SLC16A10: variants seen among roughly 807,000 people sequenced by gnomAD.
The protein encoded by SLC16A10 is monocarboxylate transporter 10.
SLC16A10 carries 27 observed loss-of-function variants against 40.0 expected under a neutral mutation model. That is an observed-to-expected ratio of 0.67 (90% confidence interval 0.50 to 0.93). The LOEUF is 0.93. SLC16A10 is among the 40% of genes least tolerant of loss of function. The pLI is 0.00. For synonymous variants in SLC16A10, 213 were observed against 249.8 expected (o/e 0.85, Z 1.39); for missense variants, 529 against 658.2 (o/e 0.80, Z 2.15).
At chr6:111,122,733 G>C (rs886321673) in intron 1 of SLC16A10, among the ~76,000 whole-genome samples, 13 of 152,172 alleles carry the variant, frequency 8.5e-5, no homozygotes, top group Middle Eastern at 3.2e-3. Context: ...TGAGGGGAGT[G>C]GGGGTGGTAA....
intron 1 of SLC16A10, among the ~76,000 whole-genome samples, chr6:111,114,927 TGCAGTGGTGTGATCTTG>T (rs1329621143): frequency 1.3e-5 from 2 of 151,704 alleles, no homozygotes; most frequent in African/African-American, 4.8e-5. Context: ...CAGGCTGGAG[TGCAGTGGTGTGATCTTG>T]GCTCACTGCA....
intron 1 of SLC16A10, among the ~76,000 whole-genome samples, chr6:111,115,190 T>C (rs1207234219): frequency 1.3e-5 from 2 of 152,078 alleles, no homozygotes; most frequent in Non-Finnish European, 2.9e-5. Context: ...ATTATCTTAG[T>C]AGTCATCAAA....
chr6:111,165,465 A>G (rs931476252), intron 1 of SLC16A10, among the ~76,000 whole-genome samples: 1 of 152,228 alleles, frequency 6.6e-6, no homozygotes, highest in African/African-American at 2.4e-5. Context: ...GGCCTTTTAA[A>G]TATGCCTATA....
chr6:111,153,697 T>C (rs1772216500), intron 1 of SLC16A10, among the ~76,000 whole-genome samples: 1 of 152,250 alleles, frequency 6.6e-6, no homozygotes, highest in Non-Finnish European at 1.5e-5. Flanking sequence ...ACTTAACTTC[T>C]GAGCTTTGCC....
At chr6:111,138,327 C>G (rs1024383231) in intron 1 of SLC16A10, among the ~76,000 whole-genome samples, 1 of 152,222 alleles carries the variant, frequency 6.6e-6, no homozygotes, top group African/African-American at 2.4e-5. Flanking sequence ...AAACTAGAAT[C>G]TGGTCTTTGA....
intron 1 of SLC16A10, among the ~76,000 whole-genome samples, chr6:111,120,228 A>T (rs1771560108): frequency 6.6e-6 from 1 of 152,168 alleles, no homozygotes; most frequent in Non-Finnish European, 1.5e-5. Flanking sequence ...TGTGTTTAGT[A>T]ATCCTTTCTT....
chr6:111,197,164 A>T (rs1773092927), intron 3 of SLC16A10, among the ~76,000 whole-genome samples: 1 of 152,154 alleles, frequency 6.6e-6, no homozygotes, highest in Admixed American at 6.5e-5. Context: ...TAGGATTAAT[A>T]AAAAAAGACT....
chr6:111,097,421 C>T (rs527265071), intron 1 of SLC16A10, among the ~76,000 whole-genome samples: 10 of 152,158 alleles, frequency 6.6e-5, no homozygotes, highest in Admixed American at 1.3e-4. Context: ...AAGCGATTTT[C>T]GTGTCCCAGC....
At chr6:111,195,911 TA>T (rs1284347377) in intron 3 of SLC16A10, among the ~76,000 whole-genome samples, 1 of 152,046 alleles carries the variant, frequency 6.6e-6, no homozygotes, top group Non-Finnish European at 1.5e-5. Flanking sequence ...CAGACAAAAC[TA>T]AACATATTTA....
chr6:111,146,373 A>G (rs1242692631), intron 1 of SLC16A10, among the ~76,000 whole-genome samples: 5 of 152,234 alleles, frequency 3.3e-5, no homozygotes, highest in Non-Finnish European at 4.4e-5. Flanking sequence ...CACTTTGGAA[A>G]GTTGGCTATT....
At chr6:111,193,705 G>A (rs114682676) in intron 3 of SLC16A10, among the ~76,000 whole-genome samples, 1,634 of 152,248 alleles carry the variant, frequency 0.011, 41 homozygotes, top group African/African-American at 0.037. Flanking sequence ...AATGATTCAT[G>A]GATTACTCAG....
At chr6:111,159,958 T>C (rs879806786) in intron 1 of SLC16A10, among the ~76,000 whole-genome samples, 4 of 152,208 alleles carry the variant, frequency 2.6e-5, no homozygotes, top group African/African-American at 4.8e-5. Flanking sequence ...TTTTTGCCCA[T>C]TTTTAAAATT....
rs962702329 is a variant in SLC16A10, at chr6:111,223,799, T to A, written c.*1564T>A. On this transcript the variant is annotated 3_prime_UTR_variant, in exon 6 of 6. Coordinates refer to ENST00000368851, the MANE Select transcript of SLC16A10 (RefSeq NM_018593.5). ...TACTAAGACCAATCATCAAACCCAC[T>A]ATTATAAATGTTAATTTTGGCTGGG... The A allele has an allele frequency of 6.6e-6, 1 of 152,220 alleles. No individual in the cohort carries two copies. Among genetic ancestry groups the A allele is most frequent in the African/African-American group, 2.4e-5 (1 of 41,452 alleles). 9.4% of individuals were successfully genotyped at this position (152,220 alleles called of 1,614,324 possible).
In SLC16A10 at chr6:111,222,178, C is replaced by G. The variant is rs761444142; in HGVS notation, c.1491C>G (p.Asn497Lys). ...EKMEKMLENQNSLLSSSSGMF... is the reference protein window; with the variant it reads ...EKMEKMLENQKSLLSSSSGMF... ...TGGAGAAAATGTTGGAAAACCAGAA[C>G]TCTCTGCTGTCAAGTTCATCTGGAA... Residue 497 changes from asparagine to lysine, a missense_variant, in exon 6 of 6, where the codon AAC becomes AAG. Transcript: ENST00000368851. 34 of 1,607,042 alleles carry G rather than the reference C, an allele frequency of 2.1e-5. No individual in the cohort carries two copies. The highest frequency in any genetic ancestry group is 2.7e-5 in the Non-Finnish European group (32 of 1,178,018).
chr6:111,208,907 C>T (rs1481513680), intron 4 of SLC16A10, among the ~76,000 whole-genome samples: 1 of 151,948 alleles, frequency 6.6e-6, no homozygotes, highest in Non-Finnish European at 1.5e-5. Context: ...CTCAATAAAG[C>T]TATTTTTAAA....
intron 1 of SLC16A10, among the ~76,000 whole-genome samples, chr6:111,114,405 T>C (rs906288516): frequency 6.6e-6 from 1 of 152,230 alleles, no homozygotes; most frequent in Admixed American, 6.5e-5. Context: ...GCTATACTGA[T>C]GCTAAGATGC....
In SLC16A10 at chr6:111,177,640, G is replaced by T; in HGVS notation, c.917G>T (p.Gly306Val). ...WAVGIPLALFGYFVPYVHLMK... is the reference protein window; with the variant it reads ...WAVGIPLALFVYFVPYVHLMK... ...GTTGGAATACCACTTGCACTTTTTG[G>T]ATACTTTGTGCCTTATGTTCACTTG... The change falls in exon 3 of 6, where the codon GGA (glycine) becomes GTA (valine). Residue 306 changes from glycine to valine, a missense_variant. Coordinates refer to ENST00000368851, the MANE Select transcript of SLC16A10 (RefSeq NM_018593.5). 1 of 1,567,650 alleles carries T rather than the reference G, an allele frequency of 6.4e-7. No individual in the cohort carries two copies. Among genetic ancestry groups the T allele is most frequent in the Non-Finnish European group, 8.6e-7 (1 of 1,157,406 alleles).
Position 111,219,006 on chromosome 6 carries a change from A to C in SLC16A10, c.1279A>C (p.Met427Leu). Residue 427 changes from methionine to leucine, a missense_variant, in exon 5 of 6, where the codon ATG becomes CTG. Transcript: ENST00000368851. ...SQAIGFLLGF[M>L]SIPMTVGPPI... is the part of the protein sequence containing the mutation. ...AGCAATTGGATTTCTGCTCGGATTC[A>C]TGTCTATACCCATGACTGTTGGCCC... 1 of 1,614,152 alleles carries C rather than the reference A, an allele frequency of 6.2e-7. No homozygotes were observed. Among genetic ancestry groups the C allele is most frequent in the African/African-American group, 1.3e-5 (1 of 75,030 alleles).
chr6:111,211,865 G>A (rs561481000), intron 4 of SLC16A10, among the ~76,000 whole-genome samples: 3 of 152,280 alleles, frequency 2.0e-5, no homozygotes, highest in Non-Finnish European at 2.9e-5. Context: ...CTCCATCCCT[G>A]GCTCTCTGCC....
Sources: allele counts gnomAD v4.1 joint callset (sites outside exome capture counted in the v4.1 genomes callset), GRCh38; gene constraint gnomAD v4.1.1; transcripts MANE v1.5; gene names NCBI Gene and HGNC (gene_info 2026-07-23, HGNC 2026-07-21).